Variants in ZER1 observed in about 807,000 individuals in gnomAD.
ZER1 encodes the protein zyg-11 related cell cycle regulator.
A neutral mutation model predicts 78.8 loss-of-function variants in ZER1; 11 were observed. The ratio of observed to expected loss-of-function variants is 0.14; its 90% confidence interval spans 0.09 to 0.23. ZER1 has a LOEUF of 0.23. Among genes scored for constraint, ZER1 ranks in the 10% least tolerant of loss-of-function variants. ZER1 has a pLI of 1.00. For synonymous variants in ZER1, 400 were observed against 407.0 expected (o/e 0.98, Z 0.21); for missense variants, 588 against 996.9 (o/e 0.59, Z 5.52).
intron 8 of ZER1, among the ~76,000 whole-genome samples, chr9:128,746,764 T>C (rs145467057): frequency 1.2e-3 from 181 of 151,920 alleles, no homozygotes; most frequent in Middle Eastern, 3.4e-3. Context: ...GCCTCCTGAG[T>C]AGCTGGGATT....
chr9:128,766,696 A>T (rs1170174478), intron 1 of ZER1, among the ~76,000 whole-genome samples: 1 of 151,744 alleles, frequency 6.6e-6, no homozygotes, highest in Admixed American at 6.6e-5. Context: ...AAATACAAAA[A>T]TTAGCCAGGC....
intron 7 of ZER1, 136 bp downstream of exon 7, chr9:128,750,986 C>T (rs927410003): frequency 1.4e-6 from 2 of 1,413,238 alleles, no homozygotes; most frequent in Non-Finnish European, 1.9e-6. Flanking sequence ...CTGTGAGGCC[C>T]AGGCTGGGGT....
rs1007700722 is a variant in ZER1 at position 128,751,356 on chromosome 9, G to A, written c.1038+57C>T. The A allele has an allele frequency of 6.2e-6, 10 of 1,612,322 alleles. No individual in the cohort carries two copies. The highest frequency in any genetic ancestry group is 7.6e-6 in the Non-Finnish European group (9 of 1,178,638). ...GCTCAGTCTCCAGCCCCAGAATCCA[G>A]CTCCTTCTCTCTCCCAAGGCTCCCT... On this transcript the variant is annotated intron_variant, in intron 6 of 15. Transcript: ENST00000291900. This position sits in a 1 kb window ranked among gnomAD's most constrained non-coding sequence, Gnocchi z 5.4.
At chr9:128,739,904 C>T (rs757457231) in intron 13 of ZER1, 27 bp downstream of exon 13, 2 of 1,591,650 alleles carry the variant, frequency 1.3e-6, no homozygotes, top group Admixed American at 1.7e-5. Flanking sequence ...TTCCACACCG[C>T]ATCCCCGCTC....
At position 128,753,165 on chromosome 9, in the gene ZER1, G is replaced by T; in HGVS notation, c.745C>A (p.Arg249=). ...IRVIVQLHKL[R]HLDISRDRLS... is the part of the protein sequence containing the mutation. ...GTGAGCTCTGGGCCAGGAGCTCACC[G>T]CAGCTTGTGCAGCTGCACGATGACC... Residue 249 remains arginine (R), a splice_region_variant and synonymous_variant, in exon 4 of 16, where the codon CGA becomes AGA. Transcript: ENST00000291900. The surrounding 1 kb of genome is among the most constrained non-coding windows in gnomAD (Gnocchi z 7.5). The T allele has an allele frequency of 6.5e-7, 1 of 1,534,184 alleles. No homozygotes were observed. Among genetic ancestry groups the T allele is most frequent in the East Asian group, 2.4e-5 (1 of 40,968 alleles).
chr9:128,738,113 T>C lies in ZER1; in HGVS notation c.2042+1818A>G, dbSNP rs534659956. Among the ~76,000 whole-genome samples the C allele has an allele frequency of 6.5e-4, 98 of 149,642 alleles. No homozygotes were observed. In the East Asian group the frequency reaches 0.013, roughly 21 times the overall value. On this transcript the variant is annotated intron_variant, in intron 13 of 15. Coordinates refer to ENST00000291900, the MANE Select transcript of ZER1 (RefSeq NM_006336.4). ...AGGCTGGAGTGCAGTGGCGCGATCT[T>C]GGCTAACTGCAAGCTCCGCCTCCCA...
At chr9:128,746,941 A>T (rs1198866172) in intron 8 of ZER1, among the ~76,000 whole-genome samples, 1 of 151,874 alleles carries the variant, frequency 6.6e-6, no homozygotes, top group African/African-American at 2.4e-5. Context: ...GGCCTAAAAA[A>T]ATTTTTTTGT....
chr9:128,741,500 C>G (rs377651803), intron 11 of ZER1, 35 bp downstream of exon 11: 2 of 1,613,710 alleles, frequency 1.2e-6, no homozygotes, highest in African/African-American at 2.7e-5. Context: ...ATGTGGGCAG[C>G]TGAGGCAGCT....
At position 128,753,771 on chromosome 9, in the gene ZER1, T is replaced by C; in HGVS notation, c.309+38A>G. The C allele has an allele frequency of 6.3e-7, 1 of 1,593,518 alleles. No homozygotes were observed. The highest frequency in any genetic ancestry group is 8.6e-7 in the Non-Finnish European group (1 of 1,169,058). On this transcript the variant is annotated intron_variant, in intron 3 of 15. Transcript: ENST00000291900. The surrounding 1 kb of genome is among the most constrained non-coding windows in gnomAD (Gnocchi z 7.5). Reference sequence around the variant, plus strand: ...GGCGAGCAGCCTGGCCCCTGCTTGGTGTGGGCCCTCCTGGCGCTGTGGCGG... The same window carrying C: ...GGCGAGCAGCCTGGCCCCTGCTTGGCGTGGGCCCTCCTGGCGCTGTGGCGG...
chr9:128,759,132 G>A (rs1863958716), intron 1 of ZER1, among the ~76,000 whole-genome samples: 1 of 151,848 alleles, frequency 6.6e-6, no homozygotes, highest in Admixed American at 6.6e-5. Flanking sequence ...GAGTAGCTGG[G>A]ATTACAGGCA....
chr9:128,747,211 A>T (rs1437957646), intron 8 of ZER1, among the ~76,000 whole-genome samples: 1 of 152,156 alleles, frequency 6.6e-6, no homozygotes, highest in East Asian at 1.9e-4. Flanking sequence ...AAAGAAAAGA[A>T]AAAATATACA....
rs1368476385 is a variant in ZER1, at chr9:128,731,201, C to T, written c.*136G>A. The stretch of plus-strand genomic sequence containing the variant: ...TCTCACTAACATTAAGGAAAAGCGT[C>T]GGTTGTGCAAAAGTCCCCCATGTCT... On this transcript the variant is annotated 3_prime_UTR_variant, in exon 16 of 16. Coordinates refer to ENST00000291900, the MANE Select transcript of ZER1 (RefSeq NM_006336.4). The T allele has an allele frequency of 8.9e-5, 50 of 562,180 alleles. No individual in the cohort carries two copies. Among genetic ancestry groups the T allele is most frequent in the South Asian group, 8.3e-5 (3 of 36,312 alleles). 34.8% of individuals were successfully genotyped at this position (562,180 alleles called of 1,614,324 possible). A position where few individuals can be genotyped will look rare whatever the true frequency, so the allele number is the denominator to read the frequency against.
intron 15 of ZER1, among the ~76,000 whole-genome samples, chr9:128,731,939 C>T (rs1340690176): frequency 1.3e-5 from 2 of 152,220 alleles, no homozygotes; most frequent in Non-Finnish European, 2.9e-5. Context: ...GAGTCTCGCC[C>T]GCCCCAGCCT....
chr9:128,756,594 T>A (rs918840967), intron 1 of ZER1, among the ~76,000 whole-genome samples: 3 of 152,222 alleles, frequency 2.0e-5, no homozygotes, highest in Admixed American at 6.6e-5. Context: ...CATGCTATAA[T>A]GTTGGACCTT....
chr9:128,764,467 C>T (rs1864145163), intron 1 of ZER1, among the ~76,000 whole-genome samples: 1 of 152,124 alleles, frequency 6.6e-6, no homozygotes, highest in Non-Finnish European at 1.5e-5. Flanking sequence ...ACCATGCTCC[C>T]CAAGTGGAAG....
At chr9:128,731,494 AGTGATG>A in intron 15 of ZER1, 100 bp from the exon 16 acceptor site, 1 of 956,180 alleles carries the variant, frequency 1.0e-6, no homozygotes, top group Admixed American at 2.1e-5. Flanking sequence ...ACGTGTTCAT[AGTGATG>A]GTGATGCTGA....
In ZER1 at chr9:128,760,825, GT is replaced by G. The variant is rs564064754; in HGVS notation, c.-94-5167del. ...GAGACTCCGTTTAAAAAAAAAAAAA[GT>G]TACTTAACCTCTCCAGACCTCAGTT... On this transcript the variant is annotated intron_variant, in intron 1 of 15. Coordinates refer to ENST00000291900, the MANE Select transcript of ZER1 (RefSeq NM_006336.4). Among the ~76,000 whole-genome samples the G allele has an allele frequency of 2.1e-5, 3 of 141,396 alleles. No individual in the cohort carries two copies. In the South Asian group the frequency reaches 7.1e-4, roughly 33 times the overall value. 92.8% of individuals were successfully genotyped at this position (141,396 alleles called of 152,430 possible). A position where few individuals can be genotyped will look rare whatever the true frequency, so the allele number is the denominator to read the frequency against.
At chr9:128,731,452 C>T in intron 15 of ZER1, 58 bp from the exon 16 acceptor site, 2 of 1,361,010 alleles carry the variant, frequency 1.5e-6, no homozygotes, top group Non-Finnish European at 1.0e-6. Context: ...GTGAGCCCAG[C>T]CCCTCCGAGA....
chr9:128,753,759 G>A lies in ZER1; in HGVS notation c.309+50C>T, dbSNP rs1471658130. Reference sequence around the variant, plus strand: ...GGCTGGGCTGGAGGCGAGCAGCCTGGCCCCTGCTTGGTGTGGGCCCTCCTG... The same window carrying A: ...GGCTGGGCTGGAGGCGAGCAGCCTGACCCCTGCTTGGTGTGGGCCCTCCTG... On this transcript the variant is annotated intron_variant, in intron 3 of 15. Coordinates refer to ENST00000291900, the MANE Select transcript of ZER1 (RefSeq NM_006336.4). This position sits in a 1 kb window ranked among gnomAD's most constrained non-coding sequence, Gnocchi z 7.5. The A allele has an allele frequency of 6.3e-7, 1 of 1,585,562 alleles. No individual in the cohort carries two copies. The highest frequency in any genetic ancestry group is 1.8e-5 in the Admixed American group (1 of 56,724).
Sources: gnomAD v4.1 joint callset for allele counts (sites outside exome capture counted in the v4.1 genomes callset) on GRCh38, gnomAD v4.1.1 for gene constraint, Gnocchi (gnomAD v3.1) non-coding constraint, MANE v1.5 for transcripts, NCBI Gene and HGNC (gene_info 2026-07-23, HGNC 2026-07-21) for gene names.